Variants in MAMSTR observed in about 807,000 individuals in gnomAD.
MAMSTR encodes the protein MEF2-activating motif and SAP domain-containing transcriptional regulator.
A neutral mutation model predicts 42.7 loss-of-function variants in MAMSTR; 41 were observed. That is an observed-to-expected ratio of 0.96 (90% confidence interval 0.75 to 1.25). The LOEUF (loss-of-function observed/expected upper bound fraction) is 1.25, where lower values mean the gene tolerates loss of function less well. MAMSTR is among the 50% of genes most tolerant of loss of function. The pLI, the probability that MAMSTR is intolerant of heterozygous loss-of-function variation, is 0.00. For synonymous variants in MAMSTR, 265 were observed against 244.1 expected, an observed-to-expected ratio of 1.09 and a Z score of -0.80; for missense variants, 567 against 557.6, an observed-to-expected ratio of 1.02 and a Z score of -0.17.
At chr19:48,706,793 A>G in the MAMSTR span, among the ~76,000 whole-genome samples, 1 of 151,794 alleles carries the variant, frequency 6.6e-6, no homozygotes, top group Non-Finnish European at 1.5e-5. Flanking sequence ...TTAACAAATC[A>G]CTTCAAAATA....
At chr19:48,708,153 G>T (rs1411312867), downstream of MAMSTR, among the ~76,000 whole-genome samples, 1 of 148,660 alleles carries the variant, frequency 6.7e-6, no homozygotes, top group Non-Finnish European at 1.5e-5. Flanking sequence ...AGAATCGCTT[G>T]AACCCAGGAG....
At position 48,714,538 on chromosome 19, in the gene MAMSTR, A is replaced by C. The variant is rs1416555124; in HGVS notation, c.551T>G (p.Leu184Arg). 1.0e-5 allele frequency: 15 copies of C among 1,458,088 alleles called. No homozygotes were observed. Among genetic ancestry groups the C allele is most frequent in the Non-Finnish European group, 1.3e-5 (15 of 1,117,702 alleles). 90.3% of individuals were successfully genotyped at this position (1,458,088 alleles called of 1,614,324 possible). A position where few individuals can be genotyped will look rare whatever the true frequency, so the allele number is the denominator to read the frequency against. ...ELTVSELRQQLRLRGLPVSGT... is the reference protein window; with the variant it reads ...ELTVSELRQQRRLRGLPVSGT... ...CGACACTGGGAGGCCCCGCAGGCGC[A>C]GCTGCTGCCGGAGCTCTGAGACCTG... Residue 184 changes from leucine to arginine, a missense_variant, in exon 7 of 10, where the codon CTG becomes CGG. Physicochemically the swap from Leu to Arg is moderately radical, Grantham distance 102. Coordinates refer to ENST00000318083, the MANE Select transcript of MAMSTR (RefSeq NM_001130915.2).
At chr19:48,707,835 A>AC (rs1568463940), downstream of MAMSTR, among the ~76,000 whole-genome samples, 2 of 105,432 alleles carry the variant, frequency 1.9e-5, no homozygotes, top group Non-Finnish European at 1.9e-5. Context: ...ACAAAGAAAG[A>AC]AAGGAAAGAA....
rs958413589 is a variant in MAMSTR at position 48,719,056 on chromosome 19, G to C, written c.-21-4C>G. 4.5e-6 allele frequency: 7 copies of C among 1,549,960 alleles called. No individual in the cohort carries two copies. Among genetic ancestry groups the C allele is most frequent in the South Asian group, 1.2e-5 (1 of 84,036 alleles). On this transcript the variant is annotated splice_region_variant and splice_polypyrimidine_tract_variant and intron_variant, in intron 1 of 9. Coordinates refer to ENST00000318083, the MANE Select transcript of MAMSTR (RefSeq NM_001130915.2). This position sits in a 1 kb window ranked among gnomAD's most constrained non-coding sequence, Gnocchi z 4.4. ...TTGCCAAGGCCGGGATGGGGACCTG[G>C]ACGGAGAGGGGGCAGGGCAGGGGCC...
intron 3 of MAMSTR, chr19:48,715,988 G>C: frequency 1.5e-6 from 2 of 1,348,704 alleles, no homozygotes; most frequent in Non-Finnish European, 1.9e-6. Context: ...CTATCACAAA[G>C]GGGTGTGGTA....
chr19:48,714,788 G>T lies in MAMSTR; in HGVS notation c.528+18C>A, dbSNP rs780106388. 2 of 1,569,378 alleles carry T rather than the reference G, an allele frequency of 1.3e-6. No homozygotes were observed. The highest frequency in any genetic ancestry group is 1.7e-5 in the Admixed American group (1 of 59,948). On this transcript the variant is annotated intron_variant, in intron 6 of 9. Coordinates refer to ENST00000318083, the MANE Select transcript of MAMSTR (RefSeq NM_001130915.2). ...CCGAAGGAGAGAGAAGGCCTGGAAA[G>T]TTACACCCCAAACTCACCGTCAGCT...
At chr19:48,708,713 G>A (rs1486285266), downstream of MAMSTR, among the ~76,000 whole-genome samples, 4 of 152,194 alleles carry the variant, frequency 2.6e-5, no homozygotes, top group African/African-American at 7.2e-5. Flanking sequence ...CACTCTGGAT[G>A]CAGGCGAGAT....
intron 2 of MAMSTR, among the ~76,000 whole-genome samples, chr19:48,717,303 T>C (rs933323221): frequency 6.6e-6 from 1 of 152,040 alleles, no homozygotes; most frequent in Non-Finnish European, 1.5e-5. Context: ...CTGTTTTTTT[T>C]TCCTTTTTTT....
chr19:48,713,846 C>A lies in MAMSTR; in HGVS notation c.909+14G>T. ...CTGGAGAACCCTAGCCGGATTCAAC[C>A]CACACCCTCTTACCTGCGCCCTCCG... is the stretch of plus-strand genomic sequence containing the variant. On this transcript the variant is annotated intron_variant, in intron 8 of 9. Coordinates refer to ENST00000318083, the MANE Select transcript of MAMSTR (RefSeq NM_001130915.2). 6.2e-7 allele frequency: 1 copy of A among 1,614,128 alleles called. No homozygotes were observed. Among genetic ancestry groups the A allele is most frequent in the Non-Finnish European group, 8.5e-7 (1 of 1,179,990 alleles).
In MAMSTR at chr19:48,713,060, C is replaced by G; in HGVS notation, c.*207G>C. On this transcript the variant is annotated 3_prime_UTR_variant, in exon 10 of 10. Transcript: ENST00000318083. The stretch of plus-strand genomic sequence containing the variant: ...AGCAAAAGAAGCCCCCCAACCATAC[C>G]ACGCCGGAGGGGGATCATAAGGAGG... The G allele has an allele frequency of 1.9e-6, 1 of 515,978 alleles. No homozygotes were observed. Among genetic ancestry groups the G allele is most frequent in the Non-Finnish European group, 3.4e-6 (1 of 298,390 alleles). 32.0% of individuals were successfully genotyped at this position (515,978 alleles called of 1,614,324 possible).
Position 48,715,454 on chromosome 19 carries a change from A to G in MAMSTR, c.241-8T>C. On this transcript the variant is annotated splice_region_variant and splice_polypyrimidine_tract_variant and intron_variant, in intron 4 of 9. Coordinates refer to ENST00000318083, the MANE Select transcript of MAMSTR (RefSeq NM_001130915.2). Reference sequence around the variant, plus strand: ...GGAGATCTTGGGAGACTCCTGAAAGAGCAGGTGTGATGTTTTAGGCTTCAG... The same window carrying G: ...GGAGATCTTGGGAGACTCCTGAAAGGGCAGGTGTGATGTTTTAGGCTTCAG... The G allele has an allele frequency of 6.7e-7, 1 of 1,484,292 alleles. No individual in the cohort carries two copies. Among genetic ancestry groups the G allele is most frequent in the Non-Finnish European group, 8.9e-7 (1 of 1,121,502 alleles). The allele number at this position is 1,484,292 out of a possible 1,614,324, so 91.9% of individuals were successfully genotyped here.
downstream of MAMSTR, among the ~76,000 whole-genome samples, chr19:48,708,243 AAAAAAAAAAAG>A (rs1462004173): frequency 3.3e-4 from 16 of 48,374 alleles, no homozygotes; most frequent in Non-Finnish European, 8.8e-4. Context: ...AAAAAAAAAA[AAAAAAAAAAAG>A]AAGAAGAAGG....
At chr19:48,714,654 G>A in intron 6 of MAMSTR, 94 bp from the exon 7 acceptor site, 12 of 1,312,558 alleles carry the variant, frequency 9.1e-6, no homozygotes, top group Non-Finnish European at 1.3e-5. Flanking sequence ...CGAGAAAGGA[G>A]GCACTGGGGG....
In MAMSTR at chr19:48,713,371, C is replaced by A; in HGVS notation, c.1144G>T (p.Gly382Cys). 1 of 1,610,302 alleles carries A rather than the reference C, an allele frequency of 6.2e-7. No individual in the cohort carries two copies. The highest frequency in any genetic ancestry group is 8.5e-7 in the Non-Finnish European group (1 of 1,179,002). Residue 382 changes from glycine (G) to cysteine (C), a missense_variant, in exon 10 of 10, where the codon GGT (glycine) becomes TGT (cysteine). Physicochemically the swap from Gly to Cys is radical, Grantham distance 159. Transcript: ENST00000318083. ...GGGGGACCAGAACCCAGAGGAGGAC[C>A]CCCGCTCAGGGCCTCCAGCCAGTCC... Reference protein sequence around the residue: ...SLDWLEALSGGPPLGSGPPPP... With the variant: ...SLDWLEALSGCPPLGSGPPPP...
chr19:48,713,097 A>G lies in MAMSTR; in HGVS notation c.*170T>C. On this transcript the variant is annotated 3_prime_UTR_variant, in exon 10 of 10. Transcript: ENST00000318083. ...GGATCATAAGGAGGCCAGGTAGGCA[A>G]AGTTAAGGCAGTTGCATGTCAGCAG... is the stretch of plus-strand genomic sequence containing the variant. 1 of 605,968 alleles carries G rather than the reference A, an allele frequency of 1.7e-6. No homozygotes were observed. Among genetic ancestry groups the G allele is most frequent in the Non-Finnish European group, 2.7e-6 (1 of 371,514 alleles). 37.5% of individuals were successfully genotyped at this position (605,968 alleles called of 1,614,324 possible).
chr19:48,715,936 G>A (rs2033005224), intron 3 of MAMSTR, 169 bp from the exon 4 acceptor site: 1 of 1,410,130 alleles, frequency 7.1e-7, no homozygotes, highest in South Asian at 1.7e-5. Flanking sequence ...GGAGGTGTGG[G>A]GGGGCTCCGG....
the MAMSTR span, among the ~76,000 whole-genome samples, chr19:48,707,688 C>T: frequency 1.3e-5 from 2 of 149,800 alleles, no homozygotes; most frequent in Admixed American, 1.4e-4. Context: ...TTGCAATGAA[C>T]TGACATATCG....
chr19:48,717,182 A>G (rs1044449803), intron 2 of MAMSTR, among the ~76,000 whole-genome samples: 2 of 151,886 alleles, frequency 1.3e-5, no homozygotes, highest in African/African-American at 4.8e-5. Context: ...CCACATTTTC[A>G]GTATGCATCT....
rs2032959965 is a variant in MAMSTR at position 48,715,337 on chromosome 19, TG to T, written c.349del (p.Gln117LysfsTer27). The T allele has an allele frequency of 1.9e-6, 3 of 1,567,950 alleles. No homozygotes were observed. Among genetic ancestry groups the T allele is most frequent in the South Asian group, 1.2e-5 (1 of 83,794 alleles). On this transcript the variant is annotated frameshift_variant, in exon 5 of 10. Coordinates refer to ENST00000318083, the MANE Select transcript of MAMSTR (RefSeq NM_001130915.2). LOFTEE classifies it high-confidence loss of function. Reference sequence around the variant, plus strand: ...AGGACCCAGGGCGGACCCCTCGGCTTGGGGGTCCGCCCTGGATCCCTGTCTC... The same window carrying T: ...AGGACCCAGGGCGGACCCCTCGGCTTGGGGTCCGCCCTGGATCCCTGTCTC... ...EPRQGSRADP[Q>X]AEGSALGPPG...
Sources: allele counts gnomAD v4.1 joint callset (sites outside exome capture counted in the v4.1 genomes callset), GRCh38; gene constraint gnomAD v4.1.1; non-coding constraint Gnocchi (gnomAD v3.1); transcripts MANE v1.5; gene names NCBI Gene and HGNC (gene_info 2026-07-23, HGNC 2026-07-21).